The following ANXA8 variants were observed in gnomAD, a reference collection of about 807,000 sequenced individuals.
ANXA8 encodes the protein annexin A8.
Under a neutral mutation model 26.8 loss-of-function variants are expected in ANXA8, and 9 were observed. The observed-to-expected ratio is 0.34, with a 90% CI of 0.20 to 0.59. The LOEUF (loss-of-function observed/expected upper bound fraction) is 0.59, where lower values mean the gene tolerates loss of function less well. Among genes scored for constraint, ANXA8 ranks in the 20% least tolerant of loss-of-function variants. ANXA8 has a pLI of 0.84. For synonymous variants in ANXA8, 39 were observed against 94.8 expected, an observed-to-expected ratio of 0.41 and a Z score of 3.42; for missense variants, 83 against 238.5, an observed-to-expected ratio of 0.35 and a Z score of 4.29.
the ANXA8 span, among the ~76,000 whole-genome samples, chr10:47,612,991 A>G: frequency 1.3e-5 from 1 of 75,630 alleles, no homozygotes; most frequent in African/African-American, 3.8e-5. Flanking sequence ...AGAACTTTGT[A>G]AACTAGAATT....
the ANXA8 span, among the ~76,000 whole-genome samples, chr10:47,699,232 C>G: frequency 4.8e-5 from 7 of 147,010 alleles, no homozygotes; most frequent in Non-Finnish European, 8.9e-5. Flanking sequence ...CCTGTGGTCC[C>G]AGCTACTCAG....
the ANXA8 span, among the ~76,000 whole-genome samples, chr10:47,671,493 C>A: frequency 1.3e-5 from 2 of 151,994 alleles, no homozygotes; most frequent in African/African-American, 4.8e-5. Flanking sequence ...GGTTTGGAAT[C>A]CTATCTAATA....
chr10:47,481,748 G>A (rs1393981212), intron 1 of ANXA8, among the ~76,000 whole-genome samples: 3 of 144,988 alleles, frequency 2.1e-5, no homozygotes, highest in Admixed American at 6.9e-5. Flanking sequence ...TAGAAAATAA[G>A]TGTTCTGGGA....
At chr10:47,587,380 A>G in the ANXA8 span, among the ~76,000 whole-genome samples, 3 of 148,068 alleles carry the variant, frequency 2.0e-5, 1 homozygote, top group African/African-American at 5.3e-5. Flanking sequence ...CTTCATTATT[A>G]TTACTTCAAG....
chr10:47,619,024 A>T, the ANXA8 span, among the ~76,000 whole-genome samples: 2 of 113,870 alleles, frequency 1.8e-5, 1 homozygote, highest in Non-Finnish European at 3.9e-5. Flanking sequence ...TAAAATATCA[A>T]TTAATCATTG....
chr10:47,494,881 T>C, the ANXA8 span, among the ~76,000 whole-genome samples: 7 of 152,130 alleles, frequency 4.6e-5, no homozygotes, highest in Admixed American at 4.6e-4. Flanking sequence ...ATGAGGAATG[T>C]CCTGGACCAG....
chr10:47,673,177 A>G, the ANXA8 span, among the ~76,000 whole-genome samples: 1 of 151,660 alleles, frequency 6.6e-6, no homozygotes. Context: ...TCCAGCTCCT[A>G]CCCACAGATG....
At chr10:47,673,332 G>A in the ANXA8 span, among the ~76,000 whole-genome samples, 1 of 151,634 alleles carries the variant, frequency 6.6e-6, no homozygotes, top group Non-Finnish European at 1.5e-5. Context: ...TCCAGCAGAG[G>A]CTCTCCAGGC....
chr10:47,682,097 A>C, the ANXA8 span, among the ~76,000 whole-genome samples: 2 of 149,574 alleles, frequency 1.3e-5, no homozygotes, highest in Middle Eastern at 3.4e-3. Flanking sequence ...ACCTCATTTG[A>C]GTCTTACCTC....
At chr10:47,670,225 G>A in the ANXA8 span, among the ~76,000 whole-genome samples, 130 of 151,784 alleles carry the variant, frequency 8.6e-4, no homozygotes, top group Middle Eastern at 6.8e-3. Flanking sequence ...TTTTCATTGT[G>A]TGGATATATC....
chr10:47,470,126 G>A (rs1252034703), intron 11 of ANXA8, among the ~76,000 whole-genome samples: 3 of 151,874 alleles, frequency 2.0e-5, no homozygotes, highest in African/African-American at 4.9e-5. Context: ...AAATACATGA[G>A]TTATACTTGG....
chr10:47,674,978 T>C, the ANXA8 span, among the ~76,000 whole-genome samples: 1 of 149,394 alleles, frequency 6.7e-6, no homozygotes, highest in Admixed American at 6.7e-5. Flanking sequence ...TATGCTTTAG[T>C]ATATGCTTTA....
the ANXA8 span, among the ~76,000 whole-genome samples, chr10:47,495,943 C>G: frequency 7.3e-5 from 11 of 151,438 alleles, no homozygotes; most frequent in African/African-American, 2.7e-4. Flanking sequence ...CAGGTGGTGC[C>G]CGGGGAAGTC....
the ANXA8 span, chr10:47,922,907 GC>G: frequency 1.2e-6 from 1 of 832,772 alleles, no homozygotes; most frequent in Non-Finnish European, 1.8e-6. Context: ...TTCTTAGTGT[GC>G]CACTTGCTTG....
chr10:47,945,051 G>C, the ANXA8 span, among the ~76,000 whole-genome samples: 2 of 150,600 alleles, frequency 1.3e-5, no homozygotes. Context: ...AGCTAGCCTG[G>C]AGTGGAGAGC....
chr10:47,709,390 C>G, the ANXA8 span, among the ~76,000 whole-genome samples: 1 of 150,798 alleles, frequency 6.6e-6, no homozygotes, highest in Non-Finnish European at 1.5e-5. Context: ...ATCACGTACT[C>G]AAGCATACTT....
At chr10:47,745,421 G>A in the ANXA8 span, among the ~76,000 whole-genome samples, 1 of 150,178 alleles carries the variant, frequency 6.7e-6, no homozygotes, top group Admixed American at 6.7e-5. Context: ...GAGGCACTCA[G>A]ATGAGACTAG....
At chr10:47,947,653 G>A in the ANXA8 span, among the ~76,000 whole-genome samples, 1 of 150,746 alleles carries the variant, frequency 6.6e-6, no homozygotes, top group South Asian at 2.1e-4. Context: ...CCATGTGAAG[G>A]ATGTGTTTGC....
At chr10:47,733,258 T>C in the ANXA8 span, among the ~76,000 whole-genome samples, 1 of 109,774 alleles carries the variant, frequency 9.1e-6, no homozygotes. Flanking sequence ...TTTCTTTCTT[T>C]CTTTCTTTCT....
Sources: gnomAD v4.1 joint callset for allele counts (sites outside exome capture counted in the v4.1 genomes callset) on GRCh38, gnomAD v4.1.1 for gene constraint, MANE v1.5 for transcripts, NCBI Gene and HGNC (gene_info 2026-07-23, HGNC 2026-07-21) for gene names.